Variants in AEBP2 observed in about 807,000 individuals in gnomAD.
AEBP2 encodes the protein zinc finger protein AEBP2.
Under a neutral mutation model 50.8 loss-of-function variants are expected in AEBP2, and 10 were observed. That is an observed-to-expected ratio of 0.20 (90% CI 0.12 to 0.33). AEBP2 has a LOEUF of 0.33. Among genes scored for constraint, AEBP2 ranks in the 10% least tolerant of loss-of-function variants. The pLI is 1.00. For synonymous variants in AEBP2, 296 were observed against 261.3 expected, an observed-to-expected ratio of 1.13 and a Z score of -1.28; for missense variants, 570 against 688.0, an observed-to-expected ratio of 0.83 and a Z score of 1.92.
intron 1 of AEBP2, among the ~76,000 whole-genome samples, chr12:19,424,643 G>T (rs1325709424): frequency 6.6e-6 from 1 of 150,788 alleles, no homozygotes; most frequent in Admixed American, 6.6e-5. Context: ...TGATCCGCCC[G>T]CCTCAGCCTC....
chr12:19,514,899 C>A, intron 7 of AEBP2, 115 bp downstream of exon 7: 2 of 711,582 alleles, frequency 2.8e-6, no homozygotes, highest in East Asian at 2.9e-5. Flanking sequence ...AAGCATATCT[C>A]ATTACTTCCT....
At position 19,518,635 on chromosome 12, in the gene AEBP2, T is replaced by TAAA. The variant is rs1274672070; in HGVS notation, c.*519_*521dup. On this transcript the variant is annotated 3_prime_UTR_variant, in exon 8 of 8. Coordinates refer to ENST00000266508, the MANE Select transcript of AEBP2 (RefSeq NM_153207.5). ...GAGATAATTTACCTTTCAATTATGA[T>TAAA]AAATAGATGTGATTGGTTGCCATTT... The TAAA allele has an allele frequency of 7.0e-7, 1 of 1,434,950 alleles. No individual in the cohort carries two copies. The highest frequency in any genetic ancestry group is 1.4e-5 in the African/African-American group (1 of 70,636). The allele number at this position is 1,434,950 out of a possible 1,614,324, so 88.9% of individuals were successfully genotyped here.
chr12:19,484,356 CAG>C (rs2120368976), intron 3 of AEBP2, among the ~76,000 whole-genome samples: 1 of 148,476 alleles, frequency 6.7e-6, no homozygotes, highest in African/African-American at 2.5e-5. Flanking sequence ...CCCTTGGTCT[CAG>C]AGAAGTTACA....
chr12:19,491,716 A>G (rs1234947556), intron 3 of AEBP2, among the ~76,000 whole-genome samples: 11 of 148,880 alleles, frequency 7.4e-5, no homozygotes, highest in Non-Finnish European at 9.0e-5. Context: ...AGAATGTGTG[A>G]TTTTTTTTTT....
At chr12:19,500,984 G>C (rs1489128127) in intron 5 of AEBP2, among the ~76,000 whole-genome samples, 1 of 152,096 alleles carries the variant, frequency 6.6e-6, no homozygotes, top group Admixed American at 6.5e-5. Flanking sequence ...GTACATTGTA[G>C]ATCATACTTT....
chr12:19,442,792 C>T (rs1947985689), intron 1 of AEBP2, among the ~76,000 whole-genome samples: 1 of 152,134 alleles, frequency 6.6e-6, no homozygotes, highest in Non-Finnish European at 1.5e-5. Context: ...GAAACATCTT[C>T]TTGTTGCCTT....
rs1471459682 is a variant in AEBP2 at position 19,520,804 on chromosome 12, T to G, written c.*2687T>G. ...AGGTTGGCAATCCCTAATCCAAAAATCTGACATAAAAAATGCTCCAAAGTT... is the reference window on the plus strand; with the variant it reads ...AGGTTGGCAATCCCTAATCCAAAAAGCTGACATAAAAAATGCTCCAAAGTT... On this transcript the variant is annotated 3_prime_UTR_variant, in exon 8 of 8. Coordinates refer to ENST00000266508, the MANE Select transcript of AEBP2 (RefSeq NM_153207.5). 6.6e-6 allele frequency: 1 copy of G among 152,180 alleles called. No homozygotes were observed. Among genetic ancestry groups the G allele is most frequent in the African/African-American group, 2.4e-5 (1 of 41,446 alleles). 9.4% of individuals were successfully genotyped at this position (152,180 alleles called of 1,614,324 possible).
In AEBP2 at chr12:19,521,135, T is replaced by A. The variant is rs1338827599; in HGVS notation, c.*3018T>A. 1 of 152,208 alleles carries A rather than the reference T, an allele frequency of 6.6e-6. No individual in the cohort carries two copies. The highest frequency in any genetic ancestry group is 2.4e-5 in the African/African-American group (1 of 41,454). 9.4% of individuals were successfully genotyped at this position (152,208 alleles called of 1,614,324 possible). Reference sequence around the variant, plus strand: ...TTTCGGATAAGGGATACTCAGCCTGTCTCTGGTCCTTTAAGAAAAAGTTTT... The same window carrying A: ...TTTCGGATAAGGGATACTCAGCCTGACTCTGGTCCTTTAAGAAAAAGTTTT... On this transcript the variant is annotated 3_prime_UTR_variant, in exon 8 of 8. Coordinates refer to ENST00000266508, the MANE Select transcript of AEBP2 (RefSeq NM_153207.5).
At chr12:19,447,313 T>C (rs1441989150) in intron 1 of AEBP2, among the ~76,000 whole-genome samples, 1 of 152,212 alleles carries the variant, frequency 6.6e-6, no homozygotes, top group East Asian at 1.9e-4. Flanking sequence ...GTTAGACATA[T>C]TGTCAGCATT....
At chr12:19,495,101 T>C (rs537497527) in intron 4 of AEBP2, among the ~76,000 whole-genome samples, 1 of 152,250 alleles carries the variant, frequency 6.6e-6, no homozygotes, top group South Asian at 2.1e-4. Context: ...AGGTGGGGTT[T>C]CGCCATGTGG....
At chr12:19,500,292 A>C in intron 5 of AEBP2, 71 bp downstream of exon 5, 1 of 1,288,138 alleles carries the variant, frequency 7.8e-7, no homozygotes, top group Non-Finnish European at 1.0e-6. Context: ...ATCATTTCTA[A>C]ATCTCTCAAA....
chr12:19,422,977 A>G (rs963322796), intron 1 of AEBP2, among the ~76,000 whole-genome samples: 12 of 144,902 alleles, frequency 8.3e-5, no homozygotes, highest in African/African-American at 1.3e-4. Flanking sequence ...AGGCAGGACA[A>G]TCACTTGAAC....
At position 19,466,105 on chromosome 12, in the gene AEBP2, T is replaced by C. The variant is rs1213909293; in HGVS notation, c.879+3388T>C. On this transcript the variant is annotated intron_variant, in intron 2 of 7. Transcript: ENST00000266508. The stretch of plus-strand genomic sequence containing the variant: ...TTACAGGCCTCTGAGCCACCATGCC[T>C]AGCGGGTTTTGTCTTTTGAAGAGTA... 2.0e-5 allele frequency among the ~76,000 whole-genome samples: 3 copies of C among 152,122 alleles called. No homozygotes were observed. In the East Asian group the frequency reaches 5.8e-4, roughly 29 times the overall value.
At chr12:19,472,851 TTTACA>T (rs1362450410) in intron 2 of AEBP2, among the ~76,000 whole-genome samples, 3 of 152,114 alleles carry the variant, frequency 2.0e-5, no homozygotes, top group Non-Finnish European at 4.4e-5. Context: ...AAGGTATATT[TTTACA>T]AAATATACCT....
chr12:19,443,503 G>C (rs902375833), intron 1 of AEBP2, among the ~76,000 whole-genome samples: 8 of 151,356 alleles, frequency 5.3e-5, no homozygotes, highest in Non-Finnish European at 1.0e-4. Context: ...TGGATCATTT[G>C]AGGTCAAGGA....
chr12:19,457,529 T>C, intron 1 of AEBP2: 4 of 1,484,648 alleles, frequency 2.7e-6, no homozygotes, highest in South Asian at 2.6e-5. Context: ...TCTCAATTTT[T>C]TCAATGGTTC....
intron 1 of AEBP2, among the ~76,000 whole-genome samples, chr12:19,414,653 T>A (rs1278262351): frequency 6.6e-6 from 1 of 152,132 alleles, no homozygotes; most frequent in Admixed American, 6.6e-5. Context: ...ATCTGAACAA[T>A]GAAGAGCTTG....
chr12:19,439,803 C>T lies in AEBP2; in HGVS notation c.104C>T (p.Pro35Leu), dbSNP rs1158346187. 1 of 1,511,138 alleles carries T rather than the reference C, an allele frequency of 6.6e-7. No homozygotes were observed. The highest frequency in any genetic ancestry group is 1.4e-5 in the African/African-American group (1 of 69,136). 93.6% of individuals were successfully genotyped at this position (1,511,138 alleles called of 1,614,324 possible). A position where few individuals can be genotyped will look rare whatever the true frequency, so the allele number is the denominator to read the frequency against. ...PGSAARGRAE[P>L]PEEEEEEEEE... ...TCGGCGGCGCGGGGCCGGGCTGAGC[C>T]CCCCGAGGAGGAGGAGGAAGAGGAG... is the stretch of plus-strand genomic sequence containing the variant. Residue 35 changes from proline to leucine, a missense_variant, in exon 1 of 8, where the codon CCC becomes CTC. By Grantham distance (98) the Pro-to-Leu change is moderately conservative. Transcript: ENST00000266508.
intron 1 of AEBP2, among the ~76,000 whole-genome samples, chr12:19,455,846 T>C (rs1948260563): frequency 6.6e-6 from 1 of 152,210 alleles, no homozygotes; most frequent in South Asian, 2.1e-4. Context: ...GTAGGTGTTT[T>C]TTAAACTTAA....
Sources: gnomAD v4.1 joint callset for allele counts (sites outside exome capture counted in the v4.1 genomes callset) on GRCh38, gnomAD v4.1.1 for gene constraint, MANE v1.5 for transcripts, NCBI Gene and HGNC (gene_info 2026-07-23, HGNC 2026-07-21) for gene names.